PDE1A: variants seen among roughly 807,000 people sequenced by gnomAD.
PDE1A encodes phosphodiesterase 1A.
A neutral mutation model predicts 61.7 loss-of-function variants in PDE1A; 35 were observed. The ratio of observed to expected loss-of-function variants is 0.57; its 90% CI spans 0.43 to 0.75. PDE1A has a LOEUF of 0.75. Among genes scored for constraint, PDE1A ranks in the 30% least tolerant of loss-of-function variants. The pLI is 0.00. For synonymous variants in PDE1A, 232 were observed against 213.2 expected (o/e 1.09, Z -0.77); for missense variants, 597 against 630.6 (o/e 0.95, Z 0.57).
intron 1 of PDE1A, among the ~76,000 whole-genome samples, chr2:182,296,624 C>A (rs546738736): frequency 6.6e-6 from 1 of 152,132 alleles, no homozygotes; most frequent in Non-Finnish European, 1.5e-5. Flanking sequence ...GTGAGGAACA[C>A]CTAGCAAAAT....
intron 2 of PDE1A, among the ~76,000 whole-genome samples, chr2:182,466,790 T>A (rs1298558359): frequency 6.6e-6 from 1 of 152,008 alleles, no homozygotes; most frequent in African/African-American, 2.4e-5. Flanking sequence ...GAGGTGGAAG[T>A]GTTGGTTAGA....
Position 182,287,075 on chromosome 2 carries a change from A to T in PDE1A, c.54-22661T>A, listed in dbSNP as rs181481398. ...TGCTTTACCTTGCTGAACTTGTCTC[A>T]TTCCAATCTCTTCATCATGCACTAT... On this transcript the variant is annotated intron_variant, in intron 1 of 13. Coordinates refer to ENST00000351439, the Ensembl canonical transcript of PDE1A. Among the ~76,000 whole-genome samples the T allele has an allele frequency of 5.1e-4, 78 of 152,208 alleles. No individual in the cohort carries two copies. In the East Asian group the frequency reaches 0.01, roughly 20 times the overall value.
At chr2:182,553,175 T>C in the PDE1A span, among the ~76,000 whole-genome samples, 3 of 152,198 alleles carry the variant, frequency 2.0e-5, no homozygotes, top group African/African-American at 7.2e-5. Flanking sequence ...TTCCATTCCT[T>C]GGAATCCGTG....
Position 182,424,005 on chromosome 2 carries a change from C to T in PDE1A, c.53+2573G>A, listed in dbSNP as rs115554378. On this transcript the variant is annotated intron_variant, in intron 1 of 13. Transcript: ENST00000351439. The stretch of plus-strand genomic sequence containing the variant: ...TATAGCCCAACCTGGAGTGCAGTGG[C>T]GCAATTTCAGCTCACTGCGACCTCC... Among the ~76,000 whole-genome samples, 793 of 144,616 alleles carry T rather than the reference C, an allele frequency of 5.5e-3. 8 individuals are homozygous for T. The highest frequency in any genetic ancestry group is 0.02 in the African/African-American group (756 of 38,386). 94.9% of individuals were successfully genotyped at this position (144,616 alleles called of 152,430 possible). A position where few individuals can be genotyped will look rare whatever the true frequency, so the allele number is the denominator to read the frequency against.
At chr2:182,460,325 A>G (rs1055745829) in intron 2 of PDE1A, among the ~76,000 whole-genome samples, 1 of 152,114 alleles carries the variant, frequency 6.6e-6, no homozygotes, top group Admixed American at 6.6e-5. Flanking sequence ...TCACTTCCCC[A>G]GTGTTACTTC....
At chr2:182,233,434 A>G (rs976422861) in intron 4 of PDE1A, among the ~76,000 whole-genome samples, 3 of 152,228 alleles carry the variant, frequency 2.0e-5, no homozygotes, top group African/African-American at 4.8e-5. Context: ...GCAGAGAAAC[A>G]TAAATATAAA....
At chr2:182,678,733 A>G in the PDE1A span, among the ~76,000 whole-genome samples, 3 of 152,172 alleles carry the variant, frequency 2.0e-5, no homozygotes, top group East Asian at 5.8e-4. Flanking sequence ...TGCTAAAAAT[A>G]TACTTAATAA....
the PDE1A span, among the ~76,000 whole-genome samples, chr2:182,706,410 G>A: frequency 7.9e-5 from 12 of 152,172 alleles, no homozygotes; most frequent in African/African-American, 2.6e-4. Flanking sequence ...ATGTTGAGGA[G>A]GAAAATGCCC....
At chr2:182,660,513 G>T in the PDE1A span, among the ~76,000 whole-genome samples, 1 of 152,140 alleles carries the variant, frequency 6.6e-6, no homozygotes, top group African/African-American at 2.4e-5. Context: ...TATAATCAAG[G>T]TCCCAAATCT....
intron 1 of PDE1A, among the ~76,000 whole-genome samples, chr2:182,370,976 C>T (rs889472373): frequency 3.3e-5 from 5 of 152,176 alleles, no homozygotes; most frequent in Middle Eastern, 3.4e-3. Flanking sequence ...CCACAAGATA[C>T]AGCAAAAGAG....
Position 182,219,496 on chromosome 2 carries a change from C to T in PDE1A, c.776+4368G>A, listed in dbSNP as rs1574759326. On this transcript the variant is annotated intron_variant, in intron 7 of 13. Coordinates refer to ENST00000351439, the Ensembl canonical transcript of PDE1A. ...GTTCAATCTCTTAAAATGGTGAACT[C>T]GTTCATATAAGTTGGCAAGTTGAAT... 3.3e-5 allele frequency among the ~76,000 whole-genome samples: 5 copies of T among 152,026 alleles called. No individual in the cohort carries two copies. In the South Asian group the frequency reaches 8.3e-4, roughly 25 times the overall value.
At chr2:182,447,801 GAATT>G (rs909890693) in intron 2 of PDE1A, among the ~76,000 whole-genome samples, 16 of 152,062 alleles carry the variant, frequency 1.1e-4, no homozygotes, top group Middle Eastern at 3.4e-3. Flanking sequence ...AGTGATTTCT[GAATT>G]AATTAATTAA....
At chr2:182,715,464 C>T in the PDE1A span, among the ~76,000 whole-genome samples, 1 of 152,174 alleles carries the variant, frequency 6.6e-6, no homozygotes, top group Non-Finnish European at 1.5e-5. Flanking sequence ...TTGATTTACT[C>T]CCCGAAACTG....
chr2:182,502,802 G>A (rs1464362120), intron 2 of PDE1A, among the ~76,000 whole-genome samples: 1 of 151,850 alleles, frequency 6.6e-6, no homozygotes, highest in African/African-American at 2.4e-5. Context: ...TGAGAGGAGA[G>A]CATGTATTAA....
chr2:182,336,696 A>G (rs1697842525), intron 1 of PDE1A, among the ~76,000 whole-genome samples: 1 of 152,058 alleles, frequency 6.6e-6, no homozygotes, highest in African/African-American at 2.4e-5. Context: ...GCAGCAAACC[A>G]CCATGGCACG....
the PDE1A span, among the ~76,000 whole-genome samples, chr2:182,596,710 G>A: frequency 2.6e-5 from 4 of 151,724 alleles, no homozygotes; most frequent in African/African-American, 9.7e-5. Flanking sequence ...TGGATGGATG[G>A]ATGGATGGGA....
At chr2:182,503,025 C>T (rs1384821454) in intron 2 of PDE1A, among the ~76,000 whole-genome samples, 2 of 148,560 alleles carry the variant, frequency 1.3e-5, no homozygotes, top group Non-Finnish European at 3.0e-5. Context: ...CTCTCTCCCC[C>T]TCCCCATTCT....
chr2:182,496,923 A>G (rs916327796), intron 2 of PDE1A, among the ~76,000 whole-genome samples: 1 of 152,206 alleles, frequency 6.6e-6, no homozygotes, highest in Admixed American at 6.5e-5. Flanking sequence ...TGTTTCAAAT[A>G]CCAGTGGGTT....
chr2:182,462,582 G>T (rs1436046558), intron 2 of PDE1A, among the ~76,000 whole-genome samples: 1 of 151,878 alleles, frequency 6.6e-6, no homozygotes, highest in Non-Finnish European at 1.5e-5. Flanking sequence ...CTTTTAGCAT[G>T]CAGTGGTTCT....
Sources: gnomAD v4.1 joint callset for allele counts (sites outside exome capture counted in the v4.1 genomes callset) on GRCh38, gnomAD v4.1.1 for gene constraint, MANE v1.5 for transcripts, NCBI Gene and HGNC (gene_info 2026-07-23, HGNC 2026-07-21) for gene names.